The following HNF4G variants were observed in gnomAD, a reference collection of about 807,000 sequenced individuals.
HNF4G encodes hepatocyte nuclear factor 4 gamma, also known as hepatocyte nuclear factor 4-gamma.
HNF4G carries 21 observed loss-of-function variants against 50.9 expected under a neutral mutation model. The observed-to-expected ratio is 0.41, with a 90% confidence interval of 0.29 to 0.59. HNF4G has a LOEUF of 0.59. HNF4G is among the 20% of genes least tolerant of loss of function. HNF4G has a pLI of 0.26. For missense variants in HNF4G, 527 were observed against 559.4 expected (o/e 0.94, Z 0.58); for synonymous variants, 198 against 185.6 (o/e 1.07, Z -0.54).
chr8:75,435,813 C>T (rs1228122412), intron 1 of HNF4G, among the ~76,000 whole-genome samples: 1 of 152,102 alleles, frequency 6.6e-6, no homozygotes, highest in Non-Finnish European at 1.5e-5. Flanking sequence ...AGGCTAGTCT[C>T]GAGCTCCTGA....
At chr8:75,523,465 C>A (rs1286487899) in intron 2 of HNF4G, among the ~76,000 whole-genome samples, 2 of 152,072 alleles carry the variant, frequency 1.3e-5, no homozygotes, top group African/African-American at 4.8e-5. Flanking sequence ...TTATTTTCTG[C>A]ATTTCCCAGT....
At position 75,543,999 on chromosome 8, in the gene HNF4G, AG is replaced by A. The variant is rs918026466; in HGVS notation, c.287+22del. 6 of 1,555,066 alleles carry A rather than the reference AG, an allele frequency of 3.9e-6. No individual in the cohort carries two copies. In the Admixed American group the frequency reaches 1.0e-4, roughly 26 times the overall value. Reference sequence around the variant, plus strand: ...TTGCAGGTACTTTAAATGCCCTTTTAGGCAAGTTATCTTTACAGATGTTTCA... The same window carrying A: ...TTGCAGGTACTTTAAATGCCCTTTTAGCAAGTTATCTTTACAGATGTTTCA... On this transcript the variant is annotated intron_variant, in intron 2 of 9. Transcript: ENST00000396423.
intron 1 of HNF4G, among the ~76,000 whole-genome samples, chr8:75,423,266 T>G (rs1218982539): frequency 6.6e-6 from 1 of 152,012 alleles, no homozygotes; most frequent in Non-Finnish European, 1.5e-5. Context: ...TTGGCTTAGC[T>G]CTGCCCTTAA....
At chr8:75,432,046 C>A (rs1811028267) in intron 1 of HNF4G, among the ~76,000 whole-genome samples, 1 of 151,500 alleles carries the variant, frequency 6.6e-6, no homozygotes, top group Non-Finnish European at 1.5e-5. Flanking sequence ...CAAGGAGTTG[C>A]AGACCAGCCT....
rs764547842 is a variant in HNF4G at position 75,543,987 on chromosome 8, A to C, written c.287+8A>C. ...TCACGTTTATTCTTGCAGGTACTTT[A>C]AATGCCCTTTTAGGCAAGTTATCTT... On this transcript the variant is annotated splice_region_variant and intron_variant, in intron 2 of 9. Transcript: ENST00000396423. 2.8e-5 allele frequency: 44 copies of C among 1,563,620 alleles called. No individual in the cohort carries two copies. The highest frequency in any genetic ancestry group is 3.3e-5 in the Non-Finnish European group (38 of 1,151,322).
At chr8:75,435,176 GA>G (rs1811107679) in intron 1 of HNF4G, among the ~76,000 whole-genome samples, 1 of 152,138 alleles carries the variant, frequency 6.6e-6, no homozygotes, top group African/African-American at 2.4e-5. Context: ...TATTAGGAAA[GA>G]AAAACTAAAT....
intron 1 of HNF4G, among the ~76,000 whole-genome samples, chr8:75,466,080 T>C (rs559144388): frequency 4.5e-4 from 68 of 152,304 alleles, no homozygotes; most frequent in African/African-American, 1.6e-3. Context: ...ATCTGTTCTT[T>C]AGTCAGTTTA....
At chr8:75,517,769 G>A (rs929990103) in intron 2 of HNF4G, among the ~76,000 whole-genome samples, 2 of 152,046 alleles carry the variant, frequency 1.3e-5, no homozygotes, top group Non-Finnish European at 2.9e-5. Flanking sequence ...TACCATTCTG[G>A]GGTCTGGAAG....
At chr8:75,520,554 C>T (rs1806012773) in intron 2 of HNF4G, among the ~76,000 whole-genome samples, 1 of 152,084 alleles carries the variant, frequency 6.6e-6, no homozygotes, top group African/African-American at 2.4e-5. Flanking sequence ...ATTCCTACCT[C>T]ATCCTCCTGA....
Position 75,560,504 on chromosome 8 carries a change from T to C in HNF4G, c.1246+38T>C, listed in dbSNP as rs765640496. Reference sequence around the variant, plus strand: ...ACTACTTTTCAACCAAGATATTTCTTAATTACCCAAGAAAAAGTGGAATTG... The same window carrying C: ...ACTACTTTTCAACCAAGATATTTCTCAATTACCCAAGAAAAAGTGGAATTG... On this transcript the variant is annotated intron_variant, in intron 9 of 9. Transcript: ENST00000396423. 1.8e-5 allele frequency: 28 copies of C among 1,575,714 alleles called. No individual in the cohort carries two copies. In the South Asian group the frequency reaches 2.7e-4, roughly 15 times the overall value.
At chr8:75,444,079 C>T (rs1028517481) in intron 1 of HNF4G, among the ~76,000 whole-genome samples, 1 of 152,114 alleles carries the variant, frequency 6.6e-6, no homozygotes, top group African/African-American at 2.4e-5. Flanking sequence ...CAGCAGATCT[C>T]TCAGCAGAAA....
rs1585861648 is a variant in HNF4G, at chr8:75,458,430, C to T, written c.-143-31659C>T. Among the ~76,000 whole-genome samples the T allele has an allele frequency of 4.5e-5, 6 of 134,258 alleles. No individual in the cohort carries two copies. In the South Asian group the frequency reaches 1.5e-3, roughly 33 times the overall value. The allele number at this position is 134,258 out of a possible 152,430, so 88.1% of individuals were successfully genotyped here. A position where few individuals can be genotyped will look rare whatever the true frequency, so the allele number is the denominator to read the frequency against. ...AATAGTTGTCAAAATGAGGGAAACTCTAAAGATAAAGACACACTCAGACTG... is the reference window on the plus strand; with the variant it reads ...AATAGTTGTCAAAATGAGGGAAACTTTAAAGATAAAGACACACTCAGACTG... On this transcript the variant is annotated intron_variant, in intron 1 of 10. Transcript: ENST00000354370.
At chr8:75,521,816 A>G (rs1315298117) in intron 2 of HNF4G, among the ~76,000 whole-genome samples, 2 of 152,102 alleles carry the variant, frequency 1.3e-5, no homozygotes, top group Non-Finnish European at 2.9e-5. Flanking sequence ...AGTCCATTGC[A>G]TGTCTCTTTT....
intron 2 of HNF4G, among the ~76,000 whole-genome samples, chr8:75,498,414 C>T (rs538815542): frequency 6.6e-6 from 1 of 152,128 alleles, no homozygotes; most frequent in Admixed American, 6.5e-5. Flanking sequence ...AATTAGTGAT[C>T]AAAAACATTC....
In HNF4G at chr8:75,461,870, C is replaced by A. The variant is rs74644286; in HGVS notation, c.-143-28219C>A. Among the ~76,000 whole-genome samples the A allele has an allele frequency of 9.8e-4, 91 of 93,218 alleles. 1 individual carries two copies. In the East Asian group the frequency reaches 0.023, roughly 23 times the overall value. The allele number at this position is 93,218 out of a possible 152,430, so 61.2% of individuals were successfully genotyped here. A position where few individuals can be genotyped will look rare whatever the true frequency, so the allele number is the denominator to read the frequency against. On this transcript the variant is annotated intron_variant, in intron 1 of 10. Coordinates refer to the HNF4G transcript ENST00000354370. ...AATAGAAGTCATGTGAATATGGTCTCTTTAAAAAAAAATAAATATATAAAT... is the reference window on the plus strand; with the variant it reads ...AATAGAAGTCATGTGAATATGGTCTATTTAAAAAAAAATAAATATATAAAT...
chr8:75,499,436 T>C (rs972565056), intron 2 of HNF4G, among the ~76,000 whole-genome samples: 2 of 152,050 alleles, frequency 1.3e-5, no homozygotes, highest in Admixed American at 6.6e-5. Flanking sequence ...TTAATATATA[T>C]GTAAGATGGC....
chr8:75,501,531 T>G (rs1250582982), intron 2 of HNF4G, among the ~76,000 whole-genome samples: 1 of 152,146 alleles, frequency 6.6e-6, no homozygotes, highest in African/African-American at 2.4e-5. Flanking sequence ...CACACACATA[T>G]AGTTTTGTTA....
chr8:75,502,494 T>C (rs928657023), intron 2 of HNF4G, among the ~76,000 whole-genome samples: 1 of 152,154 alleles, frequency 6.6e-6, no homozygotes, highest in Non-Finnish European at 1.5e-5. Flanking sequence ...AACAGCCTAA[T>C]GGGCAAAGGA....
At chr8:75,415,049 C>T (rs1810600373) in intron 1 of HNF4G, among the ~76,000 whole-genome samples, 2 of 152,168 alleles carry the variant, frequency 1.3e-5, no homozygotes, top group Non-Finnish European at 2.9e-5. Flanking sequence ...GATCAGTCTT[C>T]TAATTTTAGA....
Sources: gnomAD v4.1 joint callset for allele counts (sites outside exome capture counted in the v4.1 genomes callset) on GRCh38, gnomAD v4.1.1 for gene constraint, MANE v1.5 for transcripts, NCBI Gene and HGNC (gene_info 2026-07-23, HGNC 2026-07-21) for gene names.